The following SELP variants were observed in gnomAD, a reference collection of about 807,000 sequenced individuals.
SELP encodes the protein selectin P.
Under a neutral mutation model 104.1 loss-of-function variants are expected in SELP, and 92 were observed. The observed-to-expected ratio is 0.88, with a 90% CI of 0.75 to 1.05. The LOEUF is 1.05. SELP is among the 50% of genes least tolerant of loss of function. SELP has a pLI of 0.00. For synonymous variants in SELP, 397 were observed against 364.5 expected (o/e 1.09, Z -1.01); for missense variants, 1,022 against 1,017.3 (o/e 1.00, Z -0.06).
chr1:169,627,532 T>A (rs1159780265), intron 1 of SELP, among the ~76,000 whole-genome samples: 1 of 152,262 alleles, frequency 6.6e-6, no homozygotes, highest in Non-Finnish European at 1.5e-5. Flanking sequence ...TTTGACTTCA[T>A]GAAGTTTCTG....
At chr1:169,618,069 A>G (rs1662912732) in intron 2 of SELP, among the ~76,000 whole-genome samples, 1 of 152,140 alleles carries the variant, frequency 6.6e-6, no homozygotes, top group Non-Finnish European at 1.5e-5. Context: ...GCTCATTGCC[A>G]TGTACGGTAA....
rs181655208 is a variant in SELP at position 169,598,558 on chromosome 1, A to G, written c.1706-1382T>C. Among the ~76,000 whole-genome samples the G allele has an allele frequency of 1.8e-3, 270 of 152,358 alleles. 1 individual carries two copies. The highest frequency in any genetic ancestry group is 5.8e-3 in the African/African-American group (242 of 41,582). ...CTCTCAAATTGTTGAGTAATTAACAACTTCATATCTGACACATCAAATCAA... is the reference window on the plus strand; with the variant it reads ...CTCTCAAATTGTTGAGTAATTAACAGCTTCATATCTGACACATCAAATCAA... On this transcript the variant is annotated intron_variant, in intron 10 of 16. Coordinates refer to ENST00000263686, the MANE Select transcript of SELP (RefSeq NM_003005.4).
intron 10 of SELP, among the ~76,000 whole-genome samples, chr1:169,602,153 C>T (rs1276792813): frequency 6.6e-6 from 1 of 152,144 alleles, no homozygotes; most frequent in Non-Finnish European, 1.5e-5. Context: ...TGATCACCTT[C>T]AATTCAACAG....
intron 8 of SELP, 24 bp from the exon 9 acceptor site, chr1:169,607,158 T>C (rs1197211424): frequency 1.3e-6 from 2 of 1,574,052 alleles, no homozygotes; most frequent in South Asian, 2.3e-5. Flanking sequence ...AAGTAAGGAA[T>C]AAAGAAACAG....
In SELP at chr1:169,617,053, C is replaced by A. The variant is rs1370490837; in HGVS notation, c.456G>T (p.Lys152Asn). Residue 152 changes from lysine (K) to asparagine (N), a missense_variant, in exon 3 of 17, where the codon AAG becomes AAT. Transcript: ENST00000263686. Reference sequence around the variant, plus strand: ...CTGTGTAACACAATGCGTGCTTTTTCTTCAAGCAGTGCTCATCATTCCACT... The same window carrying A: ...CTGTGTAACACAATGCGTGCTTTTTATTCAAGCAGTGCTCATCATTCCACT... Reference protein sequence around the residue: ...PGKWNDEHCLKKKHALCYTAS... With the variant: ...PGKWNDEHCLNKKHALCYTAS... 1.2e-6 allele frequency: 2 copies of A among 1,611,106 alleles called. No individual in the cohort carries two copies.
At chr1:169,616,978 C>A in intron 3 of SELP, 50 bp downstream of exon 3, 3 of 1,485,946 alleles carry the variant, frequency 2.0e-6, no homozygotes, top group Admixed American at 2.3e-5. Flanking sequence ...CCAGAGAAGG[C>A]AGGGTTTTTT....
Position 169,612,390 on chromosome 1 carries a change from G to A in SELP, c.788C>T (p.Pro263Leu), listed in dbSNP as rs1291785565. ...TCCTCGTTCAGGAATCTTCAGGGGTGGGCACTGGGCAGCTAAAACCAACCA... is the reference window on the plus strand; with the variant it reads ...TCCTCGTTCAGGAATCTTCAGGGGTAGGCACTGGGCAGCTAAAACCAACCA... ...KPPQCLAAQC[P>L]PLKIPERGNM... is the part of the protein sequence containing the mutation. The change falls in exon 6 of 17, where the codon CCA becomes CTA. Residue 263 changes from proline to leucine, a missense_variant. Physicochemically the swap from Pro to Leu is moderately conservative, Grantham distance 98. Transcript: ENST00000263686. 1.9e-6 allele frequency: 3 copies of A among 1,613,880 alleles called. No individual in the cohort carries two copies. The highest frequency in any genetic ancestry group is 2.7e-5 in the African/African-American group (2 of 74,872).
intron 9 of SELP, among the ~76,000 whole-genome samples, chr1:169,605,901 A>G (rs1015066826): frequency 8.5e-5 from 13 of 152,152 alleles, no homozygotes; most frequent in African/African-American, 2.7e-4. Flanking sequence ...ATTGAGGGGG[A>G]AAAAGCTTGG....
intron 1 of SELP, among the ~76,000 whole-genome samples, chr1:169,629,673 A>G (rs1205794760): frequency 6.6e-6 from 1 of 152,180 alleles, no homozygotes; most frequent in Admixed American, 6.5e-5. Context: ...CCCAGAGAGA[A>G]GTACAGTCTT....
chr1:169,612,152 C>A, intron 6 of SELP, 65 bp downstream of exon 6: 1 of 1,507,966 alleles, frequency 6.6e-7, no homozygotes, highest in Middle Eastern at 2.3e-4. Flanking sequence ...TGGTCAATTT[C>A]ATCTATGCAC....
At chr1:169,625,367 G>A (rs1186285139) in intron 1 of SELP, among the ~76,000 whole-genome samples, 1 of 152,114 alleles carries the variant, frequency 6.6e-6, no homozygotes, top group Non-Finnish European at 1.5e-5. Context: ...TGTTTCTCTA[G>A]GTTCCCACCT....
At position 169,613,762 on chromosome 1, in the gene SELP, T is replaced by G. The variant is rs1293478850; in HGVS notation, c.482-69A>C. The G allele has an allele frequency of 1.4e-5, 18 of 1,329,914 alleles. 1 individual carries two copies. The highest frequency in any genetic ancestry group is 3.6e-4 in the Middle Eastern group (2 of 5,532). The allele number at this position is 1,329,914 out of a possible 1,614,324, so 82.4% of individuals were successfully genotyped here. A position where few individuals can be genotyped will look rare whatever the true frequency, so the allele number is the denominator to read the frequency against. Reference sequence around the variant, plus strand: ...GTGAGGAAAGGCTGAATTCTCGTTTTGACCACAGACTCATCCCCTCTCAGA... The same window carrying G: ...GTGAGGAAAGGCTGAATTCTCGTTTGGACCACAGACTCATCCCCTCTCAGA... On this transcript the variant is annotated intron_variant, in intron 3 of 16. Transcript: ENST00000263686.
At chr1:169,599,881 TC>T (rs1226780417) in intron 10 of SELP, among the ~76,000 whole-genome samples, 1 of 152,086 alleles carries the variant, frequency 6.6e-6, no homozygotes, top group Non-Finnish European at 1.5e-5. Context: ...CCAGGACCCC[TC>T]CCCACGCAGT....
At chr1:169,595,794 G>A in intron 12 of SELP, 131 bp downstream of exon 12, 1 of 758,666 alleles carries the variant, frequency 1.3e-6, no homozygotes, top group Non-Finnish European at 2.3e-6. Flanking sequence ...GGATTGGTGT[G>A]GATTTCATAA....
At chr1:169,600,864 T>C (rs187820544) in intron 10 of SELP, among the ~76,000 whole-genome samples, 1 of 152,188 alleles carries the variant, frequency 6.6e-6, no homozygotes, top group African/African-American at 2.4e-5. Flanking sequence ...TCAGTCAAGG[T>C]TGATAATTCC....
intron 10 of SELP, among the ~76,000 whole-genome samples, chr1:169,602,485 C>T (rs756496460): frequency 7.9e-5 from 12 of 152,162 alleles, no homozygotes; most frequent in Non-Finnish European, 1.3e-4. Flanking sequence ...TGACCCTGGA[C>T]GAGTTATTTA....
At chr1:169,623,220 G>A (rs939966952) in intron 1 of SELP, among the ~76,000 whole-genome samples, 4 of 152,104 alleles carry the variant, frequency 2.6e-5, no homozygotes, top group Non-Finnish European at 4.4e-5. Flanking sequence ...GGAGTGCAAC[G>A]ATTTTAAATT....
Position 169,607,152 on chromosome 1 carries a change from A to C in SELP, c.1334-18T>G. 2.5e-6 allele frequency: 4 copies of C among 1,577,286 alleles called. No homozygotes were observed. The highest frequency in any genetic ancestry group is 3.5e-6 in the Non-Finnish European group (4 of 1,155,316). ...CTGCAAAGCTAAGGGATGAGGAAGT[A>C]AGGAATAAAGAAACAGTAATACACA... On this transcript the variant is annotated intron_variant, in intron 8 of 16. Transcript: ENST00000263686.
chr1:169,614,388 C>T (rs1480383182), intron 3 of SELP, among the ~76,000 whole-genome samples: 3 of 152,184 alleles, frequency 2.0e-5, no homozygotes, highest in African/African-American at 7.2e-5. Context: ...CTGCCATGTC[C>T]TCTTCACCAA....
Sources: allele counts gnomAD v4.1 joint callset (sites outside exome capture counted in the v4.1 genomes callset), GRCh38; gene constraint gnomAD v4.1.1; transcripts MANE v1.5; gene names NCBI Gene and HGNC (gene_info 2026-07-23, HGNC 2026-07-21).